Variants in SORCS2 observed in about 807,000 individuals in gnomAD.
SORCS2 encodes VPS10 domain-containing receptor SorCS2.
Under a neutral mutation model 141.6 loss-of-function variants are expected in SORCS2, and 100 were observed. The ratio of observed to expected loss-of-function variants is 0.71; its 90% CI spans 0.60 to 0.83. The LOEUF is 0.83. Among genes scored for constraint, SORCS2 ranks in the 40% least tolerant of loss-of-function variants. The pLI, the probability that SORCS2 is intolerant of heterozygous loss-of-function variation, is 0.00. For missense variants in SORCS2, 1,646 were observed against 1,560.2 expected (o/e 1.05, Z -0.93); for synonymous variants, 789 against 676.9 (o/e 1.17, Z -2.57).
In SORCS2 at chr4:7,193,006, G is replaced by A. The variant is rs756756544; in HGVS notation, c.360G>A (p.Ala120=). 2.4e-5 allele frequency: 35 copies of A among 1,465,474 alleles called. No homozygotes were observed. Among genetic ancestry groups the A allele is most frequent in the East Asian group, 2.4e-4 (8 of 33,542 alleles). 90.8% of individuals were successfully genotyped at this position (1,465,474 alleles called of 1,614,324 possible). A position where few individuals can be genotyped will look rare whatever the true frequency, so the allele number is the denominator to read the frequency against. Residue 120 remains alanine (A), a synonymous_variant, in exon 1 of 27, where the codon GCG becomes GCA. Coordinates refer to ENST00000507866, the MANE Select transcript of SORCS2 (RefSeq NM_020777.3). The surrounding 1 kb of genome is among the most constrained non-coding windows in gnomAD (Gnocchi z 4.8). The part of the protein sequence containing the change: ...PAAGYRRWER[A]APLAGVASRA... ...CGGGCTACCGGCGCTGGGAGCGGGC[G>A]GCGCCGCTGGCCGGAGTGGCTTCGC...
chr4:7,521,598 T>C (rs1733333872), intron 2 of SORCS2, among the ~76,000 whole-genome samples: 1 of 152,168 alleles, frequency 6.6e-6, no homozygotes, highest in African/African-American at 2.4e-5. Context: ...TCTGTGTGTC[T>C]TCTCATCTCA....
chr4:7,464,666 G>A (rs1392848807), intron 2 of SORCS2, among the ~76,000 whole-genome samples: 2 of 151,972 alleles, frequency 1.3e-5, no homozygotes, highest in Non-Finnish European at 2.9e-5. Context: ...TGTACTTTTG[G>A]GGATCCCAAA....
At chr4:7,606,232 G>A (rs1447210668) in intron 3 of SORCS2, among the ~76,000 whole-genome samples, 2 of 152,176 alleles carry the variant, frequency 1.3e-5, no homozygotes, top group African/African-American at 4.8e-5. Context: ...TTGCAGTGAG[G>A]AGCTCCTGTA....
At chr4:7,315,475 CAGGGCTGGTGCGGTGGAGGAG>C (rs1718494138) in intron 1 of SORCS2, among the ~76,000 whole-genome samples, 1 of 152,208 alleles carries the variant, frequency 6.6e-6, no homozygotes, top group Non-Finnish European at 1.5e-5. Flanking sequence ...TGGGGCAGGC[CAGGGCTGGTGCGGTGGAGGAG>C]AGGGACACCA....
At chr4:7,251,429 G>C (rs1713502282) in intron 1 of SORCS2, among the ~76,000 whole-genome samples, 1 of 152,198 alleles carries the variant, frequency 6.6e-6, no homozygotes, top group African/African-American at 2.4e-5. Context: ...ACCTTGTCCA[G>C]TTGTTAGAAC....
In SORCS2 at chr4:7,657,128, C is replaced by T. The variant is rs771440504; in HGVS notation, c.887+2921C>T. Among the ~76,000 whole-genome samples, 3 of 152,364 alleles carry T rather than the reference C, an allele frequency of 2.0e-5. No individual in the cohort carries two copies. The South Asian group carries it at 6.2e-4, about 32-fold the overall frequency. ...CCTGGAGCAGGCACCAGGCCTCAGG[C>T]CACCTGTACACCGGTGTCTAGCCCA... On this transcript the variant is annotated intron_variant, in intron 5 of 26. Coordinates refer to ENST00000507866, the MANE Select transcript of SORCS2 (RefSeq NM_020777.3).
intron 3 of SORCS2, among the ~76,000 whole-genome samples, chr4:7,532,500 G>A (rs1222008703): frequency 6.6e-6 from 1 of 152,232 alleles, no homozygotes; most frequent in African/African-American, 2.4e-5. Context: ...AGAAATCTGA[G>A]CAGCTTGGAG....
chr4:7,377,870 C>T (rs916956879), intron 1 of SORCS2, among the ~76,000 whole-genome samples: 3 of 152,202 alleles, frequency 2.0e-5, no homozygotes, highest in East Asian at 1.9e-4. Flanking sequence ...TTCCCGTCCT[C>T]GTCCTTCCGT....
At chr4:7,460,263 C>T (rs1056342036) in intron 2 of SORCS2, 1 of 154,524 alleles carries the variant, frequency 6.5e-6, no homozygotes, top group Admixed American at 6.5e-5. Flanking sequence ...GATGCCATGC[C>T]CTAAGCCCCA....
intron 3 of SORCS2, among the ~76,000 whole-genome samples, chr4:7,535,079 G>A (rs1712007024): frequency 6.6e-6 from 1 of 152,218 alleles, no homozygotes; most frequent in South Asian, 2.1e-4. Flanking sequence ...ACCCCAGGTG[G>A]CAGGAGCAAA....
intron 2 of SORCS2, among the ~76,000 whole-genome samples, chr4:7,447,213 AG>A (rs1275628500): frequency 6.6e-6 from 1 of 152,002 alleles, no homozygotes; most frequent in Non-Finnish European, 1.5e-5. Flanking sequence ...CCCTGCAGGG[AG>A]GTTACTGGGT....
At position 7,551,458 on chromosome 4, in the gene SORCS2, G is replaced by C. The variant is rs182248892; in HGVS notation, c.648+19829G>C. On this transcript the variant is annotated intron_variant, in intron 3 of 26. Transcript: ENST00000507866. ...AAATGGGTGATCCTTATGCCACATC[G>C]GCTGTGCATGCTGAGCCAGAGGGCA... Among the ~76,000 whole-genome samples, 4 of 152,150 alleles carry C rather than the reference G, an allele frequency of 2.6e-5. No individual in the cohort carries two copies. The South Asian group carries it at 8.3e-4, about 32-fold the overall frequency.
intron 2 of SORCS2, among the ~76,000 whole-genome samples, chr4:7,487,969 C>T (rs1481875826): frequency 2.0e-5 from 3 of 152,172 alleles, no homozygotes; most frequent in Non-Finnish European, 2.9e-5. Context: ...CAGAGCCGCT[C>T]GCTCATCAGC....
rs117742405 is a variant in SORCS2 at position 7,511,751 on chromosome 4, C to G, written c.549-19779C>G. 2.1e-4 allele frequency among the ~76,000 whole-genome samples: 32 copies of G among 152,280 alleles called. No individual in the cohort carries two copies. The East Asian group carries it at 6.2e-3, about 29-fold the overall frequency. On this transcript the variant is annotated intron_variant, in intron 2 of 26. Transcript: ENST00000507866. ...CTGAGAAAGCAGCTCCTCTGGCTTC[C>G]CCGTCTGGAATTCCAGCCCGTCAGC...
intron 3 of SORCS2, among the ~76,000 whole-genome samples, chr4:7,565,450 A>T (rs1714902633): frequency 1.3e-5 from 2 of 152,212 alleles, no homozygotes; most frequent in Non-Finnish European, 2.9e-5. Context: ...TGATATGATG[A>T]TGCTATAATA....
intron 3 of SORCS2, among the ~76,000 whole-genome samples, chr4:7,594,771 G>A (rs758258681): frequency 6.6e-5 from 10 of 152,080 alleles, no homozygotes; most frequent in African/African-American, 2.2e-4. Flanking sequence ...CGCTTCCACC[G>A]CTGTTCAATG....
chr4:7,214,663 C>T (rs540508476), intron 1 of SORCS2, among the ~76,000 whole-genome samples: 1 of 152,334 alleles, frequency 6.6e-6, no homozygotes, highest in South Asian at 2.1e-4. Context: ...CACTGTGTTC[C>T]AGCTGGGATA....
chr4:7,326,836 G>T (rs561075833), intron 1 of SORCS2, among the ~76,000 whole-genome samples: 1 of 152,268 alleles, frequency 6.6e-6, no homozygotes, highest in Non-Finnish European at 1.5e-5. Flanking sequence ...CCGGAGGTGG[G>T]ACAGGGCAGC....
intron 4 of SORCS2, among the ~76,000 whole-genome samples, chr4:7,650,012 G>A (rs1284221178): frequency 6.6e-6 from 1 of 152,240 alleles, no homozygotes; most frequent in Non-Finnish European, 1.5e-5. Flanking sequence ...CCGTTATGCA[G>A]ATGAAGAATT....
Sources: allele counts gnomAD v4.1 joint callset (sites outside exome capture counted in the v4.1 genomes callset), GRCh38; gene constraint gnomAD v4.1.1; non-coding constraint Gnocchi (gnomAD v3.1); transcripts MANE v1.5; gene names NCBI Gene and HGNC (gene_info 2026-07-23, HGNC 2026-07-21).